AHI1: variants seen among roughly 807,000 people sequenced by gnomAD.
The protein encoded by AHI1 is jouberin.
AHI1 carries 123 observed loss-of-function variants against 149.3 expected under a neutral mutation model. The observed-to-expected ratio is 0.82, with a 90% confidence interval of 0.71 to 0.96. AHI1 has a LOEUF of 0.96. AHI1 is among the 40% of genes least tolerant of loss of function. The pLI, the probability that AHI1 is intolerant of heterozygous loss-of-function variation, is 0.00. For synonymous variants in AHI1, 475 were observed against 459.8 expected, an observed-to-expected ratio of 1.03 and a Z score of -0.42; for missense variants, 1,439 against 1,422.7, an observed-to-expected ratio of 1.01 and a Z score of -0.18.
intron 8 of AHI1, among the ~76,000 whole-genome samples, chr6:135,458,746 T>C (rs1442559654): frequency 6.6e-6 from 1 of 152,152 alleles, no homozygotes; most frequent in Non-Finnish European, 1.5e-5. Context: ...GTCTAACATA[T>C]AGCCAGTCTC....
intron 24 of AHI1, among the ~76,000 whole-genome samples, chr6:135,336,906 A>T (rs966089146): frequency 6.6e-6 from 1 of 152,156 alleles, no homozygotes; most frequent in Non-Finnish European, 1.5e-5. Flanking sequence ...GTGCACATAT[A>T]CACACACACA....
At chr6:135,460,303 AT>A (rs904576463) in intron 8 of AHI1, among the ~76,000 whole-genome samples, 1 of 152,218 alleles carries the variant, frequency 6.6e-6, no homozygotes, top group African/African-American at 2.4e-5. Flanking sequence ...CAAAACAAAA[AT>A]TTTTTAAATG....
chr6:135,447,482 C>T (rs1713946048), intron 12 of AHI1, among the ~76,000 whole-genome samples: 1 of 152,106 alleles, frequency 6.6e-6, no homozygotes, highest in African/African-American at 2.4e-5. Context: ...CTCTGATATA[C>T]TATCATATCT....
chr6:135,300,136 C>A (rs534330831), intron 27 of AHI1, among the ~76,000 whole-genome samples: 1 of 152,044 alleles, frequency 6.6e-6, no homozygotes, highest in South Asian at 2.1e-4. Flanking sequence ...ACCAGCCTGG[C>A]CAACATGGTG....
intron 5 of AHI1, among the ~76,000 whole-genome samples, chr6:135,478,083 G>A (rs750195417): frequency 1.3e-5 from 2 of 152,204 alleles, no homozygotes; most frequent in African/African-American, 2.4e-5. Context: ...TTACAGGCAT[G>A]AGCCACAGCG....
At chr6:135,452,154 C>G (rs1156841893) in intron 11 of AHI1, among the ~76,000 whole-genome samples, 2 of 152,308 alleles carry the variant, frequency 1.3e-5, no homozygotes, top group South Asian at 4.1e-4. Context: ...AATTGGAGGG[C>G]AGCTATATAC....
At chr6:135,405,110 G>A (rs576614748) in intron 21 of AHI1, 133 bp from the exon 22 acceptor site, 30 of 693,516 alleles carry the variant, frequency 4.3e-5, no homozygotes, top group African/African-American at 3.2e-4. Context: ...TTATCCTGCC[G>A]TTGTCACTCT....
chr6:135,376,881 C>CAAAAAAAAAAAAAAAAAAA (rs1167083326), intron 23 of AHI1, among the ~76,000 whole-genome samples: 1 of 29,440 alleles, frequency 3.4e-5, no homozygotes, highest in African/African-American at 1.6e-4. Context: ...GACTCCATCT[C>CAAAAAAAAAAAAAAAAAAA]AAAAAAAAAA....
chr6:135,315,003 G>A (rs1374932147), intron 26 of AHI1, among the ~76,000 whole-genome samples: 2 of 152,190 alleles, frequency 1.3e-5, no homozygotes, highest in East Asian at 3.8e-4. Context: ...GGTGGAGATT[G>A]TAATCCATAT....
At chr6:135,315,410 T>TA (rs1314304169) in intron 26 of AHI1, among the ~76,000 whole-genome samples, 1 of 152,182 alleles carries the variant, frequency 6.6e-6, no homozygotes, top group African/African-American at 2.4e-5. Flanking sequence ...TGTAACCTTG[T>TA]AGAGGAGAAC....
chr6:135,456,400 T>G (rs1788953588), intron 9 of AHI1, among the ~76,000 whole-genome samples: 1 of 152,026 alleles, frequency 6.6e-6, no homozygotes, highest in Admixed American at 6.6e-5. Flanking sequence ...AAAAGTTAGC[T>G]GGGCATGGTG....
intron 23 of AHI1, among the ~76,000 whole-genome samples, chr6:135,364,073 A>AC (rs1276261068): frequency 2.2e-5 from 3 of 136,384 alleles, no homozygotes; most frequent in Non-Finnish European, 3.2e-5. Flanking sequence ...CGGGGGGCTG[A>AC]CCCCCCCACC....
intron 4 of AHI1, 50 bp downstream of exon 4, chr6:135,492,178 G>A (rs1583515411): frequency 1.4e-6 from 2 of 1,383,020 alleles, no homozygotes; most frequent in East Asian, 2.5e-5. Context: ...AAACTTAAAA[G>A]TAAATGTATA....
At chr6:135,350,433 TA>T (rs1218341722) in intron 24 of AHI1, among the ~76,000 whole-genome samples, 1 of 152,228 alleles carries the variant, frequency 6.6e-6, no homozygotes, top group Non-Finnish European at 1.5e-5. Context: ...TCTCTGTTCT[TA>T]CTTATTCTTA....
At chr6:135,364,862 G>A (rs1001169009) in intron 23 of AHI1, among the ~76,000 whole-genome samples, 14 of 152,294 alleles carry the variant, frequency 9.2e-5, no homozygotes, top group African/African-American at 3.4e-4. Context: ...GCTTCGGCTT[G>A]GCATCAGAGG....
rs565208646 is a variant in AHI1, at chr6:135,430,954, C to T, written c.2373+254G>A. Among the ~76,000 whole-genome samples, 264 of 152,058 alleles carry T rather than the reference C, an allele frequency of 1.7e-3. 1 individual carries two copies. The highest frequency in any genetic ancestry group is 0.017 in the Middle Eastern group (5 of 294). On this transcript the variant is annotated intron_variant, in intron 17 of 28. Coordinates refer to ENST00000265602, the MANE Select transcript of AHI1 (RefSeq NM_001134831.2). The stretch of plus-strand genomic sequence containing the variant: ...AGCATAAATGTCACCCAATGGATTA[C>T]TGAATGCCACAGTGCAAATGGGGTA...
chr6:135,449,630 T>C (rs1367765385), intron 11 of AHI1, among the ~76,000 whole-genome samples: 1 of 152,132 alleles, frequency 6.6e-6, no homozygotes, highest in African/African-American at 2.4e-5. Flanking sequence ...GAATAGGCAC[T>C]GAGTGCAGGG....
In AHI1 at chr6:135,394,768, G is replaced by A. The variant is rs760955304; in HGVS notation, c.3109+8C>T. ...TAAAAGAATTGTCAAAGTAAGAAAGGGGCTCACCGGTCTGAGTGAAACCAA... is the reference window on the plus strand; with the variant it reads ...TAAAAGAATTGTCAAAGTAAGAAAGAGGCTCACCGGTCTGAGTGAAACCAA... On this transcript the variant is annotated splice_region_variant and intron_variant, in intron 23 of 28. Transcript: ENST00000265602. 1.4e-5 allele frequency: 23 copies of A among 1,609,714 alleles called. No individual in the cohort carries two copies. Among genetic ancestry groups the A allele is most frequent in the East Asian group, 2.2e-5 (1 of 44,758 alleles).
Position 135,467,558 on chromosome 6 carries a change from C to T in AHI1, c.189+23G>A, listed in dbSNP as rs185072460. On this transcript the variant is annotated intron_variant, in intron 6 of 28. Coordinates refer to ENST00000265602, the MANE Select transcript of AHI1 (RefSeq NM_001134831.2). ...AGTGACTCTCATGCTCTTCTTCAGG[C>T]TGTTAGTGTTAGCAGTACTTACATC... 20 of 1,583,140 alleles carry T rather than the reference C, an allele frequency of 1.3e-5. No individual in the cohort carries two copies. The African/African-American group carries it at 2.6e-4, about 20-fold the overall frequency.
Sources: allele counts gnomAD v4.1 joint callset (sites outside exome capture counted in the v4.1 genomes callset), GRCh38; gene constraint gnomAD v4.1.1; transcripts MANE v1.5; gene names NCBI Gene and HGNC (gene_info 2026-07-23, HGNC 2026-07-21).